SENP8: variants seen among roughly 807,000 people sequenced by gnomAD.
The protein encoded by SENP8 is SUMO peptidase family member, NEDD8 specific, also known as sentrin-specific protease 8.
In SENP8, 10 loss-of-function variants were observed where a neutral mutation model predicts 14.4. The ratio of observed to expected loss-of-function variants is 0.69; its 90% CI spans 0.43 to 1.18. SENP8 has a LOEUF of 1.18. Among genes scored for constraint, SENP8 ranks in the 50% most tolerant of loss-of-function variants. The pLI, the probability that SENP8 is intolerant of heterozygous loss-of-function variation, is 0.00. For missense variants in SENP8, 202 were observed against 249.4 expected, an observed-to-expected ratio of 0.81 and a Z score of 1.28; for synonymous variants, 94 against 95.5, an observed-to-expected ratio of 0.98 and a Z score of 0.09.
chr15:72,118,163 C>A, upstream of SENP8: 1 of 371,316 alleles, frequency 2.7e-6, no homozygotes, highest in Non-Finnish European at 4.8e-6. Context: ...TTACCTCCCA[C>A]GCCCCCTACT....
chr15:72,128,075 A>G (rs1052153897), intron 1 of SENP8, among the ~76,000 whole-genome samples: 39 of 151,180 alleles, frequency 2.6e-4, no homozygotes, highest in African/African-American at 8.7e-4. Flanking sequence ...CCTGGGCAAC[A>G]GAGTGAGACG....
At chr15:72,117,975 G>C (rs1200759940), upstream of SENP8, 1 of 400,634 alleles carries the variant, frequency 2.5e-6, no homozygotes, top group Non-Finnish European at 4.4e-6. Context: ...CGCCTCTGCC[G>C]GTGCAACTAC....
chr15:72,133,158 G>A (rs1032660505), intron 1 of SENP8, among the ~76,000 whole-genome samples: 1 of 152,192 alleles, frequency 6.6e-6, no homozygotes, highest in Non-Finnish European at 1.5e-5. Flanking sequence ...GCGACAGAGT[G>A]AGACTCACCT....
At chr15:72,125,730 G>A (rs1304118005) in intron 1 of SENP8, among the ~76,000 whole-genome samples, 2 of 151,952 alleles carry the variant, frequency 1.3e-5, no homozygotes, top group African/African-American at 2.4e-5. Context: ...CCAAACTCTC[G>A]TTAGCCTCTA....
At chr15:72,138,441 C>T (rs1018368469) in intron 1 of SENP8, among the ~76,000 whole-genome samples, 12 of 150,874 alleles carry the variant, frequency 8.0e-5, no homozygotes, top group Admixed American at 2.0e-4. Context: ...CCTCCACCTT[C>T]CAGGTTCAAG....
intron 1 of SENP8, 173 bp downstream of exon 1, chr15:72,118,637 T>A (rs2151306735): frequency 6.6e-6 from 1 of 150,856 alleles, no homozygotes; most frequent in Non-Finnish European, 1.5e-5. Flanking sequence ...CACTGCCCCC[T>A]CCATTGTCCC....
chr15:72,138,281 G>A (rs941746556), intron 1 of SENP8, among the ~76,000 whole-genome samples: 6 of 151,600 alleles, frequency 4.0e-5, no homozygotes, highest in African/African-American at 1.2e-4. Flanking sequence ...TATAGTTACA[G>A]TTGACCCTTG....
At chr15:72,138,986 C>T (rs946206532) in intron 1 of SENP8, among the ~76,000 whole-genome samples, 1 of 139,584 alleles carries the variant, frequency 7.2e-6, no homozygotes, top group African/African-American at 2.6e-5. Context: ...AAAAAAAAAA[C>T]TTTACTACCA....
chr15:72,131,169 A>G (rs554408330), intron 1 of SENP8, among the ~76,000 whole-genome samples: 1 of 152,124 alleles, frequency 6.6e-6, no homozygotes, highest in Non-Finnish European at 1.5e-5. Flanking sequence ...ACACCACTGC[A>G]CTCCAGCATG....
At chr15:72,137,133 A>C (rs767915371) in intron 1 of SENP8, among the ~76,000 whole-genome samples, 1 of 152,180 alleles carries the variant, frequency 6.6e-6, no homozygotes, top group Non-Finnish European at 1.5e-5. Flanking sequence ...TCTAATTGAT[A>C]AATATTATTG....
rs1475709318 is a variant in SENP8 at position 72,143,100 on chromosome 15, A to T, written c.*2838A>T. 1 of 152,248 alleles carries T rather than the reference A, an allele frequency of 6.6e-6. No homozygotes were observed. Among genetic ancestry groups the T allele is most frequent in the Non-Finnish European group, 1.5e-5 (1 of 68,130 alleles). 9.4% of individuals were successfully genotyped at this position (152,248 alleles called of 1,614,324 possible). A position where few individuals can be genotyped will look rare whatever the true frequency, so the allele number is the denominator to read the frequency against. On this transcript the variant is annotated 3_prime_UTR_variant, in exon 2 of 2. Coordinates refer to ENST00000340912, the MANE Select transcript of SENP8 (RefSeq NM_145204.4). ...GTAATCCCAGCTACTCAGCAGGCTG[A>T]GGCAGGAGAATCACTTGAACCTGGG...
intron 1 of SENP8, among the ~76,000 whole-genome samples, chr15:72,129,673 G>A (rs113247217): frequency 0.023 from 3,388 of 150,034 alleles, 122 homozygotes; most frequent in African/African-American, 0.08. Flanking sequence ...CACTGCGTCT[G>A]GCCACATTTT....
chr15:72,139,703 T>C lies in SENP8; in HGVS notation c.80T>C (p.Leu27Pro). 1 of 1,614,184 alleles carries C rather than the reference T, an allele frequency of 6.2e-7. No individual in the cohort carries two copies. Among genetic ancestry groups the C allele is most frequent in the Non-Finnish European group, 8.5e-7 (1 of 1,180,038 alleles). Reference protein sequence around the residue: ...DVSLLDPPSWLNDHIIGFAFE... With the variant: ...DVSLLDPPSWPNDHIIGFAFE... ...TCACTATTGGATCCGCCAAGCTGGCTCAATGACCATATTATTGGGTTTGCG... is the reference window on the plus strand; with the variant it reads ...TCACTATTGGATCCGCCAAGCTGGCCCAATGACCATATTATTGGGTTTGCG... The change falls in exon 2 of 2, where the codon CTC (leucine) becomes CCC (proline). Residue 27 changes from leucine (L) to proline (P), a missense_variant. Coordinates refer to ENST00000340912, the MANE Select transcript of SENP8 (RefSeq NM_145204.4).
intron 1 of SENP8, among the ~76,000 whole-genome samples, chr15:72,120,392 A>G (rs1257718894): frequency 6.6e-6 from 1 of 152,242 alleles, no homozygotes; most frequent in Non-Finnish European, 1.5e-5. Context: ...ATTGTTGTCT[A>G]GTATGGCTAG....
At position 72,140,463 on chromosome 15, in the gene SENP8, G is replaced by C; in HGVS notation, c.*201G>C. ...CTGACTGGGGAGCAATATGTTCTGT[G>C]AAAATATCTTGAAATTGTACACCAA... is the stretch of plus-strand genomic sequence containing the variant. On this transcript the variant is annotated 3_prime_UTR_variant, in exon 2 of 2. Coordinates refer to ENST00000340912, the MANE Select transcript of SENP8 (RefSeq NM_145204.4). The C allele has an allele frequency of 1.8e-6, 1 of 561,450 alleles. No homozygotes were observed. The highest frequency in any genetic ancestry group is 3.2e-6 in the Non-Finnish European group (1 of 310,386). 34.8% of individuals were successfully genotyped at this position (561,450 alleles called of 1,614,324 possible).
At chr15:72,120,711 TTAAA>T (rs1449123487) in intron 1 of SENP8, among the ~76,000 whole-genome samples, 4 of 152,234 alleles carry the variant, frequency 2.6e-5, no homozygotes. Context: ...ACTTTATGCA[TTAAA>T]TAAAATCTGG....
rs2081361751 is a variant in SENP8 at position 72,139,716 on chromosome 15, T to C, written c.93T>C (p.Ile31=). ...LDPPSWLNDH[I]IGFAFEYFAN... ...CGCCAAGCTGGCTCAATGACCATAT[T>C]ATTGGGTTTGCGTTTGAGTACTTTG... is the stretch of plus-strand genomic sequence containing the variant. Residue 31 remains isoleucine (I), a synonymous_variant, in exon 2 of 2, where the codon ATT becomes ATC. Transcript: ENST00000340912. 1 of 1,614,086 alleles carries C rather than the reference T, an allele frequency of 6.2e-7. No individual in the cohort carries two copies. Among genetic ancestry groups the C allele is most frequent in the African/African-American group, 1.3e-5 (1 of 74,928 alleles).
upstream of SENP8, chr15:72,117,629 A>G: frequency 2.5e-6 from 1 of 394,646 alleles, no homozygotes. Context: ...CGAGGCTGAG[A>G]CGTGGGCCAG....
intron 1 of SENP8, among the ~76,000 whole-genome samples, chr15:72,129,536 AT>A (rs35079066): frequency 0.12 from 12,615 of 105,412 alleles, 781 homozygotes; most frequent in East Asian, 0.23. Context: ...CTAATTTTGT[AT>A]TTTTTTTTTT....
Sources: allele counts gnomAD v4.1 joint callset (sites outside exome capture counted in the v4.1 genomes callset), GRCh38; gene constraint gnomAD v4.1.1; transcripts MANE v1.5; gene names NCBI Gene and HGNC (gene_info 2026-07-23, HGNC 2026-07-21).